NCBP1: variants seen among roughly 807,000 people sequenced by gnomAD.
NCBP1 encodes nuclear cap-binding protein subunit 1.
Under a neutral mutation model 111.7 loss-of-function variants are expected in NCBP1, and 16 were observed. The observed-to-expected ratio is 0.14, with a 90% CI of 0.10 to 0.22. The LOEUF (loss-of-function observed/expected upper bound fraction) is 0.22. NCBP1 is among the 10% of genes least tolerant of loss of function. The probability of loss-of-function intolerance (pLI) is 1.00; values close to 1 mark genes in which losing one functional copy is unlikely to be tolerated. For missense variants in NCBP1, 607 were observed against 957.5 expected, an observed-to-expected ratio of 0.63 and a Z score of 4.83; for synonymous variants, 304 against 314.3, an observed-to-expected ratio of 0.97 and a Z score of 0.35.
Position 97,662,949 on chromosome 9 carries a change from A to G in NCBP1, c.1704-5A>G, listed in dbSNP as rs1407969217. On this transcript the variant is annotated splice_polypyrimidine_tract_variant and splice_region_variant and intron_variant, in intron 17 of 22. Transcript: ENST00000375147. ...ATGGTATTTTTTTCCCATCATTATC[A>G]AAAGGTTTCATGAAGTCTTCAAAAC... is the stretch of plus-strand genomic sequence containing the variant. 2 of 1,601,138 alleles carry G rather than the reference A, an allele frequency of 1.2e-6. No homozygotes were observed. Among genetic ancestry groups the G allele is most frequent in the African/African-American group, 1.3e-5 (1 of 74,096 alleles).
chr9:97,642,807 C>A lies in NCBP1; in HGVS notation c.225-397C>A, dbSNP rs565968167. ...GAAATTCTGAATGCTGCACGCCCCC[C>A]CTTAATGATTCTGTATTAAAGAGGC... is the stretch of plus-strand genomic sequence containing the variant. On this transcript the variant is annotated intron_variant, in intron 3 of 22. Transcript: ENST00000375147. 9.9e-5 allele frequency among the ~76,000 whole-genome samples: 15 copies of A among 152,180 alleles called. No homozygotes were observed. The South Asian group carries it at 2.1e-3, about 21-fold the overall frequency.
intron 20 of NCBP1, among the ~76,000 whole-genome samples, chr9:97,667,444 T>TA (rs1828042866): frequency 6.6e-6 from 1 of 152,200 alleles, no homozygotes; most frequent in Non-Finnish European, 1.5e-5. Context: ...TAGTGCCCTA[T>TA]AGGAACCTTT....
chr9:97,643,248 T>C lies in NCBP1; in HGVS notation c.269T>C (p.Val90Ala), dbSNP rs200044823. Residue 90 changes from valine (V) to alanine (A), a missense_variant, in exon 4 of 23, where the codon GTT becomes GCT. By Grantham distance (64) the Val-to-Ala change is moderately conservative. Coordinates refer to ENST00000375147, the MANE Select transcript of NCBP1 (RefSeq NM_002486.5). ...PEKLTIYTTL[V>A]GLLNARNYNF... is the part of the protein sequence containing the mutation. ...AAGCTGACAATTTATACAACATTAG[T>C]TGGACTACTGAATGCCAGGAATTAC... The C allele has an allele frequency of 2.5e-6, 4 of 1,611,998 alleles. No homozygotes were observed. Among genetic ancestry groups the C allele is most frequent in the Non-Finnish European group, 3.4e-6 (4 of 1,179,346 alleles).
At position 97,673,420 on chromosome 9, in the gene NCBP1, A is replaced by G. The variant is rs1828256876; in HGVS notation, c.*2221A>G. On this transcript the variant is annotated 3_prime_UTR_variant, in exon 23 of 23. Coordinates refer to ENST00000375147, the MANE Select transcript of NCBP1 (RefSeq NM_002486.5). ...TCACAATGTACTGAAAAGTGTGGCT[A>G]GTTATGTTTGATCCACATTCTAGAG... 1 of 152,196 alleles carries G rather than the reference A, an allele frequency of 6.6e-6. No individual in the cohort carries two copies. The highest frequency in any genetic ancestry group is 2.1e-4 in the South Asian group (1 of 4,830). 9.4% of individuals were successfully genotyped at this position (152,196 alleles called of 1,614,324 possible).
intron 1 of NCBP1, among the ~76,000 whole-genome samples, chr9:97,640,571 T>C (rs1181945299): frequency 5.9e-5 from 9 of 152,072 alleles, no homozygotes. Context: ...ACACAAAATT[T>C]AACATAAATA....
chr9:97,664,311 G>T, intron 18 of NCBP1, 29 bp from the exon 19 acceptor site: 1 of 1,392,384 alleles, frequency 7.2e-7, no homozygotes, highest in South Asian at 1.2e-5. Flanking sequence ...GTGTGTGTGT[G>T]ATTTACTTGA....
chr9:97,653,033 G>A (rs912537588), intron 10 of NCBP1, among the ~76,000 whole-genome samples: 10 of 152,044 alleles, frequency 6.6e-5, no homozygotes, highest in African/African-American at 2.4e-4. Context: ...GTCTTGGACT[G>A]CCAGAAAGAT....
At position 97,653,893 on chromosome 9, in the gene NCBP1, C is replaced by T; in HGVS notation, c.1155C>T (p.Gly385=). ...LLIELCKLQP[G]SLPQVLAQAT... ...TTGAACTGTGCAAACTTCAACCTGG[C>T]TCTCTACCCCAAGTTGTATCCTTTT... The change falls in exon 11 of 23, where the codon GGC becomes GGT. Residue 385 remains glycine, a synonymous_variant. Transcript: ENST00000375147. 6.2e-7 allele frequency: 1 copy of T among 1,611,080 alleles called. No individual in the cohort carries two copies. The highest frequency in any genetic ancestry group is 8.5e-7 in the Non-Finnish European group (1 of 1,177,442).
Position 97,633,957 on chromosome 9 carries a change from G to A in NCBP1, c.34+42G>A, listed in dbSNP as rs537928139. ...CGGCCACGGAGGCCGCTCCCGGTTG[G>A]GAGCCGAGGCTCGGCGTCTTTGGGT... On this transcript the variant is annotated intron_variant, in intron 1 of 22. Transcript: ENST00000375147. The A allele has an allele frequency of 1.1e-4, 172 of 1,556,510 alleles. 2 individuals are homozygous for A. The South Asian group carries it at 1.9e-3, about 17-fold the overall frequency.
At chr9:97,651,277 A>T in intron 9 of NCBP1, 33 bp from the exon 10 acceptor site, 1 of 1,569,948 alleles carries the variant, frequency 6.4e-7, no homozygotes, top group Non-Finnish European at 8.7e-7. Context: ...GTGTCTTCGT[A>T]TACTTATTAA....
chr9:97,656,956 T>C (rs1470277957), intron 14 of NCBP1, among the ~76,000 whole-genome samples: 1 of 151,700 alleles, frequency 6.6e-6, no homozygotes. Flanking sequence ...TGGTCTGGAG[T>C]GTTTTTTTTG....
intron 4 of NCBP1, among the ~76,000 whole-genome samples, chr9:97,644,826 A>G (rs1827290049): frequency 6.6e-6 from 1 of 152,240 alleles, no homozygotes; most frequent in Non-Finnish European, 1.5e-5. Context: ...ACCATAGACA[A>G]TATGTAACTG....
chr9:97,669,468 C>G (rs1828109331), intron 21 of NCBP1, 125 bp from the exon 22 acceptor site: 6 of 642,606 alleles, frequency 9.3e-6, no homozygotes, highest in Non-Finnish European at 1.1e-5. Context: ...ATAATGGAAG[C>G]TAGGCACACA....
Position 97,651,284 on chromosome 9 carries a change from T to C in NCBP1, c.996-26T>C, listed in dbSNP as rs143888083. On this transcript the variant is annotated intron_variant, in intron 9 of 22. Transcript: ENST00000375147. ...CTTTTCTTGTGTCTTCGTATACTTATTAAACTTAAATTACACTTTTTATAG... is the reference window on the plus strand; with the variant it reads ...CTTTTCTTGTGTCTTCGTATACTTACTAAACTTAAATTACACTTTTTATAG... 30 of 1,587,986 alleles carry C rather than the reference T, an allele frequency of 1.9e-5. 1 individual carries two copies. In the East Asian group the frequency reaches 5.5e-4, roughly 29 times the overall value.
In NCBP1 at chr9:97,662,942, C is replaced by G. The variant is rs372207879; in HGVS notation, c.1704-12C>G. The G allele has an allele frequency of 1.6e-4, 252 of 1,586,896 alleles. No individual in the cohort carries two copies. The highest frequency in any genetic ancestry group is 2.1e-4 in the Non-Finnish European group (244 of 1,163,754). On this transcript the variant is annotated splice_polypyrimidine_tract_variant and intron_variant, in intron 17 of 22. Transcript: ENST00000375147. ...AGTATATATGGTATTTTTTTCCCAT[C>G]ATTATCAAAAGGTTTCATGAAGTCT...
chr9:97,652,020 T>C (rs917403753), intron 10 of NCBP1, among the ~76,000 whole-genome samples: 5 of 151,334 alleles, frequency 3.3e-5, no homozygotes, highest in Non-Finnish European at 5.9e-5. Context: ...TTTTTTTTTT[T>C]CCAAATGGAG....
intron 2 of NCBP1, among the ~76,000 whole-genome samples, chr9:97,641,354 G>C (rs1015026049): frequency 6.6e-6 from 1 of 151,942 alleles, no homozygotes; most frequent in African/African-American, 2.4e-5. Context: ...ACCCATTATA[G>C]CTCTGTATGC....
chr9:97,638,783 A>T (rs1206246472), intron 1 of NCBP1, among the ~76,000 whole-genome samples: 2 of 152,106 alleles, frequency 1.3e-5, no homozygotes. Flanking sequence ...CCTGGCCCCT[A>T]CCCACTAGAT....
chr9:97,640,233 G>A (rs768704836), intron 1 of NCBP1, among the ~76,000 whole-genome samples: 2 of 152,092 alleles, frequency 1.3e-5, no homozygotes, highest in Admixed American at 1.3e-4. Flanking sequence ...AATGTTTTAT[G>A]CTCCTTTTTC....
Sources: allele counts gnomAD v4.1 joint callset (sites outside exome capture counted in the v4.1 genomes callset), GRCh38; gene constraint gnomAD v4.1.1; transcripts MANE v1.5; gene names NCBI Gene and HGNC (gene_info 2026-07-23, HGNC 2026-07-21).